The following CLIC5 variants were observed in gnomAD, a reference collection of about 807,000 sequenced individuals.
CLIC5 encodes CLIC family member 5.
A neutral mutation model predicts 24.7 loss-of-function variants in CLIC5; 20 were observed. The ratio of observed to expected loss-of-function variants is 0.81; its 90% CI spans 0.57 to 1.18. The LOEUF is 1.18. Among genes scored for constraint, CLIC5 ranks in the 50% most tolerant of loss-of-function variants. CLIC5 has a pLI of 0.00. For synonymous variants in CLIC5, 159 were observed against 135.6 expected, an observed-to-expected ratio of 1.17 and a Z score of -1.20; for missense variants, 341 against 326.1, an observed-to-expected ratio of 1.05 and a Z score of -0.35.
chr6:45,947,531 C>A (rs987055797), intron 3 of CLIC5, among the ~76,000 whole-genome samples: 5 of 152,188 alleles, frequency 3.3e-5, no homozygotes, highest in Admixed American at 3.3e-4. Flanking sequence ...CTCCTCACTG[C>A]TTCCACTTTC....
intron 1 of CLIC5, among the ~76,000 whole-genome samples, chr6:45,968,358 C>T (rs1026989341): frequency 4.6e-5 from 7 of 152,198 alleles, no homozygotes; most frequent in South Asian, 4.2e-4. Flanking sequence ...ATGTAAGCAA[C>T]GAGATGAAGC....
At chr6:45,910,630 C>T (rs1444584107) in intron 5 of CLIC5, among the ~76,000 whole-genome samples, 3 of 152,208 alleles carry the variant, frequency 2.0e-5, no homozygotes, top group Non-Finnish European at 4.4e-5. Context: ...TACTACTCAG[C>T]CCTACATAGC....
chr6:46,030,382 C>T (rs1767463663), intron 1 of CLIC5, among the ~76,000 whole-genome samples: 1 of 152,194 alleles, frequency 6.6e-6, no homozygotes, highest in Admixed American at 6.5e-5. Flanking sequence ...GCAGCCTCAT[C>T]ACCTTATTTC....
chr6:46,080,814 T>C (rs558117614), upstream of CLIC5, among the ~76,000 whole-genome samples: 52 of 152,326 alleles, frequency 3.4e-4, no homozygotes, highest in South Asian at 0.011. Context: ...CCATTTACAT[T>C]TCTTATCTGG....
intron 5 of CLIC5, among the ~76,000 whole-genome samples, chr6:45,903,952 A>G (rs2127294927): frequency 6.6e-6 from 1 of 152,340 alleles, no homozygotes; most frequent in South Asian, 2.1e-4. Flanking sequence ...GGTTTAGACT[A>G]TGACATAAAA....
At chr6:45,894,545 A>G (rs999470628), downstream of CLIC5, among the ~76,000 whole-genome samples, 5 of 152,370 alleles carry the variant, frequency 3.3e-5, no homozygotes, top group East Asian at 5.8e-4. Context: ...AAAAAATCCC[A>G]TTAACAAACT....
chr6:46,040,016 A>G (rs1767762856), intron 1 of CLIC5, among the ~76,000 whole-genome samples: 1 of 152,204 alleles, frequency 6.6e-6, no homozygotes, highest in Non-Finnish European at 1.5e-5. Flanking sequence ...TCTTTGATTC[A>G]GGGTCCCAAC....
chr6:46,070,877 C>A (rs1762576052), intron 1 of CLIC5, among the ~76,000 whole-genome samples: 1 of 152,036 alleles, frequency 6.6e-6, no homozygotes, highest in Admixed American at 6.6e-5. Context: ...CAAAAACAGA[C>A]ACATTCACCA....
rs537867993 is a variant in CLIC5 at position 45,919,333 on chromosome 6, G to A, written c.407-4924C>T. Among the ~76,000 whole-genome samples the A allele has an allele frequency of 2.7e-4, 41 of 152,246 alleles. 1 individual carries two copies. The highest frequency in any genetic ancestry group is 2.7e-3 in the Admixed American group (41 of 15,286). On this transcript the variant is annotated intron_variant, in intron 4 of 5. Coordinates refer to ENST00000339561, the MANE Select transcript of CLIC5 (RefSeq NM_016929.5). ...TGGAAGGCTTTGGAAAGCGAATACAGGTTCTGCATTTCTTCTGTTTGCTTC... is the reference window on the plus strand; with the variant it reads ...TGGAAGGCTTTGGAAAGCGAATACAAGTTCTGCATTTCTTCTGTTTGCTTC...
the CLIC5 span, among the ~76,000 whole-genome samples, chr6:46,128,721 C>A: frequency 6.6e-6 from 1 of 152,134 alleles, no homozygotes; most frequent in Non-Finnish European, 1.5e-5. Context: ...GTATTCAAAC[C>A]AGGTTCTAGG....
chr6:46,022,198 T>C (rs1029910426), intron 1 of CLIC5, among the ~76,000 whole-genome samples: 1 of 152,214 alleles, frequency 6.6e-6, no homozygotes, highest in African/African-American at 2.4e-5. Flanking sequence ...TGTTATGAAA[T>C]GACATGTACT....
the CLIC5 span, among the ~76,000 whole-genome samples, chr6:46,119,764 A>C: frequency 6.6e-6 from 1 of 152,248 alleles, no homozygotes; most frequent in Admixed American, 6.5e-5. Flanking sequence ...TGGTCTTAGC[A>C]AACGGCACAA....
chr6:45,911,351 G>T (rs750072135), intron 5 of CLIC5, among the ~76,000 whole-genome samples: 3 of 152,140 alleles, frequency 2.0e-5, no homozygotes, highest in African/African-American at 7.2e-5. Context: ...GATGAAGTCC[G>T]AGTCCTTTGA....
chr6:46,105,992 T>C, the CLIC5 span, among the ~76,000 whole-genome samples: 2 of 152,310 alleles, frequency 1.3e-5, no homozygotes, highest in African/African-American at 4.8e-5. Context: ...GATGAGCTTG[T>C]CAAAGTGGGT....
At chr6:46,017,850 C>A (rs1475502455), upstream of CLIC5, among the ~76,000 whole-genome samples, 1 of 152,208 alleles carries the variant, frequency 6.6e-6, no homozygotes. Context: ...CCTCACTACC[C>A]TTTATGGCAG....
rs9766476 is a variant in CLIC5, at chr6:45,958,428, A to T, written c.64-3184T>A. On this transcript the variant is annotated intron_variant, in intron 1 of 5. Coordinates refer to ENST00000339561, the MANE Select transcript of CLIC5 (RefSeq NM_016929.5). ...GGAAGTGTCAAAAAGACAATTATAT[A>T]TATATATATATATATATATATATAT... Among the ~76,000 whole-genome samples the T allele has an allele frequency of 6.9e-3, 408 of 59,146 alleles. 6 individuals carry two copies. The highest frequency in any genetic ancestry group is 0.027 in the African/African-American group (393 of 14,358). The allele number at this position is 59,146 out of a possible 152,430, so 38.8% of individuals were successfully genotyped here. A position where few individuals can be genotyped will look rare whatever the true frequency, so the allele number is the denominator to read the frequency against.
intron 4 of CLIC5, among the ~76,000 whole-genome samples, chr6:45,930,409 C>T (rs996698871): frequency 2.6e-5 from 4 of 152,168 alleles, no homozygotes; most frequent in African/African-American, 9.7e-5. Flanking sequence ...GTAGATCCGT[C>T]AGGCCTGGTG....
At chr6:46,070,829 C>T in intron 1 of CLIC5, among the ~76,000 whole-genome samples, 1 of 151,982 alleles carries the variant, frequency 6.6e-6, no homozygotes, top group Non-Finnish European at 1.5e-5. Flanking sequence ...TCAAAATATA[C>T]ACAAGGCTAC....
At chr6:46,070,054 G>A (rs1414486091) in intron 1 of CLIC5, among the ~76,000 whole-genome samples, 1 of 152,080 alleles carries the variant, frequency 6.6e-6, no homozygotes, top group African/African-American at 2.4e-5. Flanking sequence ...AATAAACTAG[G>A]TATCAAAGGA....
Sources: allele counts gnomAD v4.1 joint callset (sites outside exome capture counted in the v4.1 genomes callset), GRCh38; gene constraint gnomAD v4.1.1; transcripts MANE v1.5; gene names NCBI Gene and HGNC (gene_info 2026-07-23, HGNC 2026-07-21).